Variants in ALK observed in about 807,000 individuals in gnomAD.
ALK encodes ALK receptor tyrosine kinase.
In ALK, 74 loss-of-function variants were observed where a neutral mutation model predicts 163.1. That is an observed-to-expected ratio of 0.45 (90% confidence interval 0.38 to 0.55). The LOEUF is 0.55. Among genes scored for constraint, ALK ranks in the 20% least tolerant of loss-of-function variants. ALK has a pLI of 0.00. For synonymous variants in ALK, 960 were observed against 843.2 expected, an observed-to-expected ratio of 1.14 and a Z score of -2.40; for missense variants, 2,063 against 2,105.3, an observed-to-expected ratio of 0.98 and a Z score of 0.39.
chr2:29,563,422 TA>T (rs753343579), intron 3 of ALK, among the ~76,000 whole-genome samples: 2 of 152,134 alleles, frequency 1.3e-5, no homozygotes, highest in Non-Finnish European at 2.9e-5. Flanking sequence ...AGAATATTAA[TA>T]AAAAAGAAGC....
At chr2:29,568,596 A>C (rs1052026044) in intron 3 of ALK, among the ~76,000 whole-genome samples, 1 of 152,136 alleles carries the variant, frequency 6.6e-6, no homozygotes, top group Non-Finnish European at 1.5e-5. Flanking sequence ...AAGGGGAAAA[A>C]CCTGGGTACC....
intron 1 of ALK, among the ~76,000 whole-genome samples, chr2:29,775,928 GAA>G (rs1424632966): frequency 6.6e-6 from 1 of 152,128 alleles, no homozygotes; most frequent in Non-Finnish European, 1.5e-5. Context: ...TGAGCATTTT[GAA>G]AAAGTCACAT....
intron 1 of ALK, among the ~76,000 whole-genome samples, chr2:29,799,763 A>G (rs373604714): frequency 6.6e-5 from 10 of 152,354 alleles, no homozygotes; most frequent in East Asian, 5.8e-4. Context: ...ACAGAAAAAT[A>G]CATTAAAAAT....
chr2:29,383,976 G>A, intron 4 of ALK, 117 bp from the exon 5 acceptor site: 2 of 1,303,422 alleles, frequency 1.5e-6, no homozygotes, highest in Non-Finnish European at 2.2e-6. Flanking sequence ...TTCTTCATGG[G>A]CACCAAGAGA....
At chr2:29,216,341 AGCTGTGCT>A (rs757132900) in intron 23 of ALK, among the ~76,000 whole-genome samples, 157 of 152,116 alleles carry the variant, frequency 1.0e-3, no homozygotes, top group Non-Finnish European at 2.0e-3. Context: ...CCCTGGCCCT[AGCTGTGCT>A]AGGGCCTTGA....
chr2:29,836,063 G>C (rs537531082), intron 1 of ALK, among the ~76,000 whole-genome samples: 1 of 152,006 alleles, frequency 6.6e-6, no homozygotes, highest in Non-Finnish European at 1.5e-5. Flanking sequence ...AGGGGGTTTT[G>C]CCTGAGATCA....
intron 4 of ALK, among the ~76,000 whole-genome samples, chr2:29,462,104 G>A (rs1379163321): frequency 6.6e-6 from 1 of 152,134 alleles, no homozygotes; most frequent in Non-Finnish European, 1.5e-5. Context: ...TGTCTGAATT[G>A]CTGCAATCTC....
intron 1 of ALK, among the ~76,000 whole-genome samples, chr2:29,831,688 T>C (rs75442184): frequency 0.033 from 5,098 of 152,304 alleles, 168 homozygotes; most frequent in African/African-American, 0.084. Context: ...TGGGAGTTGA[T>C]AGAAATCACT....
At chr2:29,219,464 A>G (rs899266027) in intron 23 of ALK, among the ~76,000 whole-genome samples, 2 of 152,180 alleles carry the variant, frequency 1.3e-5, no homozygotes, top group Non-Finnish European at 2.9e-5. Flanking sequence ...TTCTGGAACC[A>G]CTGGCTGTCA....
intron 3 of ALK, among the ~76,000 whole-genome samples, chr2:29,629,045 A>G (rs1676282001): frequency 6.6e-6 from 1 of 152,174 alleles, no homozygotes; most frequent in African/African-American, 2.4e-5. Context: ...TCTGCTTTCT[A>G]TGATAAGTTG....
At chr2:29,386,339 A>G (rs12469277) in intron 4 of ALK, among the ~76,000 whole-genome samples, 33,170 of 152,222 alleles carry the variant, frequency 0.22, 3,850 homozygotes, top group South Asian at 0.3. Context: ...ATTTCCATCC[A>G]CAATAAAACT....
chr2:29,711,441 G>A (rs533788969), intron 2 of ALK, among the ~76,000 whole-genome samples: 1 of 152,130 alleles, frequency 6.6e-6, no homozygotes, highest in Non-Finnish European at 1.5e-5. Context: ...ATTTGTCAAA[G>A]AGCAGGTATG....
intron 4 of ALK, among the ~76,000 whole-genome samples, chr2:29,515,224 T>G (rs1344335058): frequency 6.6e-6 from 1 of 152,202 alleles, no homozygotes; most frequent in African/African-American, 2.4e-5. Context: ...CCTGAGCCCC[T>G]GGCCTAGCTC....
chr2:29,391,367 T>A (rs1408574620), intron 4 of ALK, among the ~76,000 whole-genome samples: 2 of 150,772 alleles, frequency 1.3e-5, no homozygotes, highest in Non-Finnish European at 2.9e-5. Context: ...AGTGGCACGA[T>A]CTTGGCTCAC....
intron 1 of ALK, among the ~76,000 whole-genome samples, chr2:29,869,270 C>A (rs1419486559): frequency 1.3e-5 from 2 of 152,154 alleles, no homozygotes; most frequent in African/African-American, 2.4e-5. Context: ...AGAGCCCTAC[C>A]TTAACTAAAT....
In ALK at chr2:29,920,295, G is replaced by C. The variant is rs1367800764; in HGVS notation, c.365C>G (p.Thr122Arg). ...AGSPAPAEARTLSRVLKGGSV... is the reference protein window; with the variant it reads ...AGSPAPAEARRLSRVLKGGSV... ...GCCGCCCTTCAGCACCCTGGACAGC[G>C]TCCGGGCCTCTGCCGGGGCTGGTGA... Residue 122 changes from threonine to arginine, a missense_variant, in exon 1 of 29, where the codon ACG becomes AGG. Transcript: ENST00000389048. 6.4e-7 allele frequency: 1 copy of C among 1,569,484 alleles called. No individual in the cohort carries two copies. The highest frequency in any genetic ancestry group is 2.4e-5 in the East Asian group (1 of 42,456).
At chr2:29,738,397 C>T (rs1679954545) in intron 1 of ALK, among the ~76,000 whole-genome samples, 1 of 152,070 alleles carries the variant, frequency 6.6e-6, no homozygotes, top group South Asian at 2.1e-4. Flanking sequence ...AAATAGCCTT[C>T]CACATTTATG....
Position 29,250,972 on chromosome 2 carries a change from C to T in ALK, c.2204+133G>A, listed in dbSNP as rs187789304. On this transcript the variant is annotated intron_variant, in intron 12 of 28. Coordinates refer to ENST00000389048, the MANE Select transcript of ALK (RefSeq NM_004304.5). Reference sequence around the variant, plus strand: ...CTCCCCATCTCCAACCTTTATACCCCCTATGGGCCTGAGTCTGTTGCCTTT... The same window carrying T: ...CTCCCCATCTCCAACCTTTATACCCTCTATGGGCCTGAGTCTGTTGCCTTT... 8.0e-4 allele frequency: 662 copies of T among 825,366 alleles called. 1 individual carries two copies. The African/African-American group carries it at 9.8e-3, about 12-fold the overall frequency. The allele number at this position is 825,366 out of a possible 1,614,324, so 51.1% of individuals were successfully genotyped here. A position where few individuals can be genotyped will look rare whatever the true frequency, so the allele number is the denominator to read the frequency against.
chr2:29,713,918 G>C (rs146314533), intron 2 of ALK, among the ~76,000 whole-genome samples: 1,749 of 151,644 alleles, frequency 0.012, 22 homozygotes, highest in Non-Finnish European at 0.015. Context: ...TGTTTAAAAA[G>C]TTGATGTGAT....
Sources: allele counts gnomAD v4.1 joint callset (sites outside exome capture counted in the v4.1 genomes callset), GRCh38; gene constraint gnomAD v4.1.1; transcripts MANE v1.5; gene names NCBI Gene and HGNC (gene_info 2026-07-23, HGNC 2026-07-21).